Variants in ACTL8 observed in about 807,000 individuals in gnomAD.
The protein encoded by ACTL8 is actin like 8.
Under a neutral mutation model 9.3 loss-of-function variants are expected in ACTL8, and 3 were observed. The ratio of observed to expected loss-of-function variants is 0.32; its 90% confidence interval spans 0.15 to 0.83. The LOEUF is 0.83. ACTL8 is among the 40% of genes least tolerant of loss of function. The probability of loss-of-function intolerance (pLI) is 0.57; values close to 1 mark genes in which losing one functional copy is unlikely to be tolerated. For missense variants in ACTL8, 381 were observed against 492.2 expected (o/e 0.77, Z 2.14); for synonymous variants, 224 against 205.9 (o/e 1.09, Z -0.75).
intron 1 of ACTL8, among the ~76,000 whole-genome samples, chr1:17,803,621 G>C (rs2066338929): frequency 6.6e-6 from 1 of 152,228 alleles, no homozygotes; most frequent in Non-Finnish European, 1.5e-5. Flanking sequence ...GTGAGCCACT[G>C]TGCCTGGGCC....
rs752320571 is a variant in ACTL8, at chr1:17,826,312, C to T, written c.894C>T (p.Cys298=). 8.7e-6 allele frequency: 14 copies of T among 1,612,170 alleles called. No individual in the cohort carries two copies. The highest frequency in any genetic ancestry group is 3.3e-5 in the Admixed American group (2 of 59,942). ...TGCTGGTCTCCCACGTGATGGCCTG[C>T]GGGGGCAACACCCTCTATCCCGGGT... ...RPLLVSHVMA[C]GGNTLYPGFT... The change falls in exon 3 of 3, where the codon TGC becomes TGT. Residue 298 remains cysteine (C), a synonymous_variant. Transcript: ENST00000375406. This position sits in a 1 kb window ranked among gnomAD's most constrained non-coding sequence, Gnocchi z 4.5.
At chr1:17,756,272 G>A (rs2065968757) in intron 1 of ACTL8, among the ~76,000 whole-genome samples, 1 of 151,974 alleles carries the variant, frequency 6.6e-6, no homozygotes, top group South Asian at 2.1e-4. Flanking sequence ...CCTCTAGTGG[G>A]GGACTTATCT....
chr1:17,777,038 G>C (rs1001056954), intron 1 of ACTL8, among the ~76,000 whole-genome samples: 20 of 124,716 alleles, frequency 1.6e-4, no homozygotes, highest in African/African-American at 6.3e-4. Flanking sequence ...TGCCCAGGCT[G>C]ATCTTGAATC....
At chr1:17,768,783 A>G (rs2066063741) in intron 1 of ACTL8, among the ~76,000 whole-genome samples, 1 of 152,136 alleles carries the variant, frequency 6.6e-6, no homozygotes, top group Non-Finnish European at 1.5e-5. Flanking sequence ...GGTGAGGGGC[A>G]GAGTTGCTGA....
At chr1:17,821,324 T>C (rs1189545907) in intron 1 of ACTL8, among the ~76,000 whole-genome samples, 1 of 152,220 alleles carries the variant, frequency 6.6e-6, no homozygotes, top group Non-Finnish European at 1.5e-5. Flanking sequence ...GGGTCAGACT[T>C]CTAATGTTCT....
In ACTL8 at chr1:17,810,556, G is replaced by A. The variant is rs995445445; in HGVS notation, c.-24-12429G>A. On this transcript the variant is annotated intron_variant, in intron 1 of 2. Coordinates refer to ENST00000375406, the MANE Select transcript of ACTL8 (RefSeq NM_030812.3). ...CTTAAAATGTCATGTGGCGAGACTC[G>A]CTTTTTTTGATGTATAGTTCTCAGT... is the stretch of plus-strand genomic sequence containing the variant. Among the ~76,000 whole-genome samples the A allele has an allele frequency of 2.0e-5, 3 of 152,184 alleles. No individual in the cohort carries two copies. The East Asian group carries it at 5.8e-4, about 29-fold the overall frequency.
intron 1 of ACTL8, among the ~76,000 whole-genome samples, chr1:17,792,207 G>A (rs897591841): frequency 2.6e-4 from 40 of 152,302 alleles, no homozygotes; most frequent in African/African-American, 8.9e-4. Context: ...GGCAAGTCTC[G>A]CTGCTCAGTA....
intron 1 of ACTL8, among the ~76,000 whole-genome samples, chr1:17,808,334 T>C (rs779841174): frequency 1.3e-5 from 2 of 152,224 alleles, no homozygotes; most frequent in Non-Finnish European, 2.9e-5. Flanking sequence ...CTACCCTTTT[T>C]CCTTCAAATG....
intron 1 of ACTL8, among the ~76,000 whole-genome samples, chr1:17,772,753 T>C (rs1375735515): frequency 1.3e-5 from 2 of 152,116 alleles, no homozygotes; most frequent in African/African-American, 4.8e-5. Flanking sequence ...GACCAGTAAG[T>C]CCCACGTGCT....
intron 1 of ACTL8, among the ~76,000 whole-genome samples, chr1:17,762,675 G>A (rs906915839): frequency 1.3e-5 from 2 of 152,136 alleles, no homozygotes; most frequent in African/African-American, 2.4e-5. Flanking sequence ...TGGGAGCCCA[G>A]GGGCTGGCGT....
chr1:17,791,626 A>G (rs979807612), intron 1 of ACTL8, among the ~76,000 whole-genome samples: 2 of 152,200 alleles, frequency 1.3e-5, no homozygotes, highest in African/African-American at 4.8e-5. Context: ...CTGAGGGGCC[A>G]TCAGCATGGT....
At chr1:17,763,367 G>A (rs1010583960) in intron 1 of ACTL8, among the ~76,000 whole-genome samples, 6 of 152,266 alleles carry the variant, frequency 3.9e-5, no homozygotes, top group African/African-American at 1.4e-4. Flanking sequence ...GCGTGGGGGT[G>A]CTTTGGGGTG....
intron 1 of ACTL8, among the ~76,000 whole-genome samples, chr1:17,805,371 CTTTTTCTTTTTTTTT>C (rs1421210957): frequency 8.3e-6 from 1 of 120,878 alleles, no homozygotes; most frequent in African/African-American, 3.1e-5. Context: ...TTTTCTTTTT[CTTTTTCTTTTTTTTT>C]TTTTTTTTTT....
chr1:17,780,977 G>A (rs1219116503), intron 1 of ACTL8, among the ~76,000 whole-genome samples: 1 of 152,162 alleles, frequency 6.6e-6, no homozygotes, highest in Admixed American at 6.5e-5. Flanking sequence ...AATGGCTTGA[G>A]AGAAATGTAT....
chr1:17,796,351 C>T (rs1043861139), intron 1 of ACTL8, among the ~76,000 whole-genome samples: 4 of 149,724 alleles, frequency 2.7e-5, no homozygotes, highest in African/African-American at 9.9e-5. Context: ...TAAGCACTCC[C>T]ACTGTTTTAA....
chr1:17,782,484 C>T (rs945416438), intron 1 of ACTL8, among the ~76,000 whole-genome samples: 1 of 152,096 alleles, frequency 6.6e-6, no homozygotes, highest in African/African-American at 2.4e-5. Context: ...TCATATTATG[C>T]ATAGATCGCC....
chr1:17,792,568 C>G (rs756807133), intron 1 of ACTL8, among the ~76,000 whole-genome samples: 4 of 152,180 alleles, frequency 2.6e-5, no homozygotes, highest in African/African-American at 9.7e-5. Context: ...CTTGAAGCCC[C>G]TTCTGCTTAT....
At position 17,767,799 on chromosome 1, in the gene ACTL8, C is replaced by T. The variant is rs762886281; in HGVS notation, c.-25+12295C>T. ...GAGACAATGTCCCTGCTTGGCTTCT[C>T]GGCTCAGTCTGATGCCGTGACTGCT... On this transcript the variant is annotated intron_variant, in intron 1 of 2. Coordinates refer to ENST00000375406, the MANE Select transcript of ACTL8 (RefSeq NM_030812.3). The surrounding 1 kb of genome is among the most constrained non-coding windows in gnomAD (Gnocchi z 4.7). Among the ~76,000 whole-genome samples, 4 of 152,156 alleles carry T rather than the reference C, an allele frequency of 2.6e-5. No homozygotes were observed. Among genetic ancestry groups the T allele is most frequent in the African/African-American group, 7.2e-5 (3 of 41,432 alleles).
intron 1 of ACTL8, among the ~76,000 whole-genome samples, chr1:17,786,535 G>A (rs2066198963): frequency 1.3e-5 from 2 of 152,162 alleles, no homozygotes; most frequent in African/African-American, 4.8e-5. Flanking sequence ...TACTTAGCCT[G>A]TTACTGTTTG....
Sources: allele counts gnomAD v4.1 joint callset (sites outside exome capture counted in the v4.1 genomes callset), GRCh38; gene constraint gnomAD v4.1.1; non-coding constraint Gnocchi (gnomAD v3.1); transcripts MANE v1.5; gene names NCBI Gene and HGNC (gene_info 2026-07-23, HGNC 2026-07-21).